The following ZNF85 variants were observed in gnomAD, a reference collection of about 807,000 sequenced individuals.
The protein encoded by ZNF85 is zinc finger protein 85, also known as zinc finger protein 85 (HPF4, HTF1).
ZNF85 carries 50 observed loss-of-function variants against 53.9 expected under a neutral mutation model. That is an observed-to-expected ratio of 0.93 (90% CI 0.74 to 1.17). The LOEUF is 1.17. Ranked by LOEUF, ZNF85 falls within the 50% of genes most tolerant of loss-of-function variation. The probability of loss-of-function intolerance (pLI) is 0.00; values close to 1 mark genes in which losing one functional copy is unlikely to be tolerated. For synonymous variants in ZNF85, 225 were observed against 226.1 expected, an observed-to-expected ratio of 1.00 and a Z score of 0.04; for missense variants, 747 against 688.5, an observed-to-expected ratio of 1.08 and a Z score of -0.95.
intron 1 of ZNF85, 65 bp from the exon 2 acceptor site, chr19:20,933,957 ATG>A (rs56195718): frequency 0.071 from 81,475 of 1,148,096 alleles, 955 homozygotes; most frequent in Admixed American, 0.15. Flanking sequence ...GTTGGTAATT[ATG>A]TGTGTGTGTG....
intron 1 of ZNF85, among the ~76,000 whole-genome samples, chr19:20,924,458 A>G (rs1972833916): frequency 6.6e-6 from 1 of 152,128 alleles, no homozygotes; most frequent in Admixed American, 6.5e-5. Flanking sequence ...ACCTCAGTCT[A>G]ATTGCCTGCC....
chr19:20,935,603 G>T (rs1304874292), intron 3 of ZNF85, among the ~76,000 whole-genome samples: 1 of 151,368 alleles, frequency 6.6e-6, no homozygotes, highest in Non-Finnish European at 1.5e-5. Context: ...GTTTATTATA[G>T]TTTCATGTAT....
intron 1 of ZNF85, among the ~76,000 whole-genome samples, chr19:20,930,312 C>G (rs112871862): frequency 3.9e-5 from 6 of 152,110 alleles, no homozygotes; most frequent in African/African-American, 1.4e-4. Flanking sequence ...TATTTAACAA[C>G]TTGTTTTCTA....
chr19:20,926,361 A>C (rs746960866), intron 1 of ZNF85, among the ~76,000 whole-genome samples: 15 of 152,192 alleles, frequency 9.9e-5, no homozygotes, highest in Admixed American at 1.3e-4. Context: ...GATTTTTTAT[A>C]GAAATAATAA....
intron 3 of ZNF85, among the ~76,000 whole-genome samples, chr19:20,948,452 A>C (rs1973473435): frequency 6.6e-6 from 1 of 151,954 alleles, no homozygotes; most frequent in Admixed American, 6.6e-5. Flanking sequence ...ACATTGGGCA[A>C]CCGAAATAGC....
chr19:20,946,884 TAATA>T (rs923246468), intron 3 of ZNF85, among the ~76,000 whole-genome samples: 4 of 151,954 alleles, frequency 2.6e-5, no homozygotes, highest in East Asian at 1.9e-4. Flanking sequence ...TTAATTTTTT[TAATA>T]AATCCCTTTA....
At chr19:20,933,719 T>C (rs577433634) in intron 1 of ZNF85, among the ~76,000 whole-genome samples, 4 of 152,350 alleles carry the variant, frequency 2.6e-5, no homozygotes, top group Non-Finnish European at 2.9e-5. Flanking sequence ...TACACATTTT[T>C]ATGCCCTTAA....
At chr19:20,930,462 A>T (rs11882679) in intron 1 of ZNF85, among the ~76,000 whole-genome samples, 15,550 of 151,592 alleles carry the variant, frequency 0.1, 885 homozygotes, top group Non-Finnish European at 0.13. Flanking sequence ...CTATGCAATT[A>T]AAAAAAATCA....
intron 3 of ZNF85, among the ~76,000 whole-genome samples, chr19:20,939,338 C>T (rs1161362895): frequency 6.6e-6 from 1 of 152,148 alleles, no homozygotes; most frequent in East Asian, 1.9e-4. Flanking sequence ...TCACTGCAAC[C>T]TCTGCCTCCT....
chr19:20,939,962 G>T (rs926347748), intron 3 of ZNF85, among the ~76,000 whole-genome samples: 8 of 152,158 alleles, frequency 5.3e-5, no homozygotes, highest in Non-Finnish European at 1.2e-4. Context: ...CTCCCAAAGT[G>T]CTGGGATTAC....
rs146063134 is a variant in ZNF85 at position 20,949,647 on chromosome 19, C to G, written c.1133C>G (p.Ala378Gly). The G allele has an allele frequency of 4.1e-4, 660 of 1,613,114 alleles. 7 individuals carry two copies. The highest frequency in any genetic ancestry group is 2.3e-3 in the South Asian group (206 of 91,034). ...TACAAATGTGAAAAATGTGGAAAAG[C>G]CTTTAATCATTTCTCACACCTTACT... ...KPYKCEKCGKAFNHFSHLTTH... is the reference protein window; with the variant it reads ...KPYKCEKCGKGFNHFSHLTTH... Residue 378 changes from alanine to glycine, a missense_variant, in exon 4 of 4, where the codon GCC becomes GGC. By Grantham distance (60) the Ala-to-Gly change is moderately conservative. Coordinates refer to ENST00000328178, the MANE Select transcript of ZNF85 (RefSeq NM_003429.5).
chr19:20,931,426 G>A (rs1227520137), intron 1 of ZNF85, among the ~76,000 whole-genome samples: 2 of 151,990 alleles, frequency 1.3e-5, no homozygotes, highest in Non-Finnish European at 2.9e-5. Flanking sequence ...GTTCTAGGGG[G>A]AAGCAGTCAT....
intron 1 of ZNF85, among the ~76,000 whole-genome samples, chr19:20,933,409 A>G (rs1042794722): frequency 6.6e-6 from 1 of 151,482 alleles, no homozygotes; most frequent in African/African-American, 2.4e-5. Flanking sequence ...TTGGAAAGTC[A>G]AAGCTCTTAT....
chr19:20,950,222 G>C lies in ZNF85; in HGVS notation c.1708G>C (p.Glu570Gln), dbSNP rs1173124464. The change falls in exon 4 of 4, where the codon GAA becomes CAA. Residue 570 changes from glutamate to glutamine, a missense_variant. Transcript: ENST00000328178. ...HTGEKPYKCEECDKAFKWSSV... is the reference protein window; with the variant it reads ...HTGEKPYKCEQCDKAFKWSSV... ...TGGAGAAAAACCTTACAAATGTGAAGAATGTGACAAAGCTTTTAAATGGTC... is the reference window on the plus strand; with the variant it reads ...TGGAGAAAAACCTTACAAATGTGAACAATGTGACAAAGCTTTTAAATGGTC... 1 of 1,609,094 alleles carries C rather than the reference G, an allele frequency of 6.2e-7. No individual in the cohort carries two copies. The highest frequency in any genetic ancestry group is 1.1e-5 in the South Asian group (1 of 90,086).
At chr19:20,930,457 CA>C (rs909258075) in intron 1 of ZNF85, among the ~76,000 whole-genome samples, 1 of 151,290 alleles carries the variant, frequency 6.6e-6, no homozygotes, top group African/African-American at 2.4e-5. Context: ...TTCTTCTATG[CA>C]ATTAAAAAAA....
At position 20,948,919 on chromosome 19, in the gene ZNF85, C is replaced by G; in HGVS notation, c.405C>G (p.Asn135Lys). The G allele has an allele frequency of 6.2e-7, 1 of 1,613,684 alleles. No individual in the cohort carries two copies. The highest frequency in any genetic ancestry group is 2.2e-5 in the East Asian group (1 of 44,850). The change falls in exon 4 of 4, where the codon AAC becomes AAG. Residue 135 changes from asparagine (N) to lysine (K), a missense_variant. Transcript: ENST00000328178. ...ACAAAGGAGGTTGTAATGGACTTAACCAATGTCTCACAGCTACCCAGAGCA... is the reference window on the plus strand; with the variant it reads ...ACAAAGGAGGTTGTAATGGACTTAAGCAATGTCTCACAGCTACCCAGAGCA... ...KMHKGGCNGL[N>K]QCLTATQSKI...
rs1156835317 is a variant in ZNF85 at position 20,931,620 on chromosome 19, C to CTTTT, written c.4-2388_4-2385dup. On this transcript the variant is annotated intron_variant, in intron 1 of 3. Coordinates refer to ENST00000328178, the MANE Select transcript of ZNF85 (RefSeq NM_003429.5). ...ATATTTTCTTTTTCTTTTTCTTTTT[C>CTTTT]TTTTTTTTTTTTTTTTTTTGAGGTG... Among the ~76,000 whole-genome samples, 27 of 119,440 alleles carry CTTTT rather than the reference C, an allele frequency of 2.3e-4. 1 individual carries two copies. Among genetic ancestry groups the CTTTT allele is most frequent in the Non-Finnish European group, 2.8e-4 (17 of 59,768 alleles). 78.4% of individuals were successfully genotyped at this position (119,440 alleles called of 152,430 possible).
Position 20,923,270 on chromosome 19 carries a change from G to A in ZNF85, c.-131G>A. On this transcript the variant is annotated 5_prime_UTR_variant, in exon 1 of 4. Transcript: ENST00000328178. Reference sequence around the variant, plus strand: ...GGCGGGGCCTTTGTCTCTCGCTGCAGCCTGAGCTCTAGGTCTTGTTTTCCC... The same window carrying A: ...GGCGGGGCCTTTGTCTCTCGCTGCAACCTGAGCTCTAGGTCTTGTTTTCCC... 1.4e-6 allele frequency: 2 copies of A among 1,446,174 alleles called. No individual in the cohort carries two copies. Among genetic ancestry groups the A allele is most frequent in the Non-Finnish European group, 1.9e-6 (2 of 1,043,696 alleles). The allele number at this position is 1,446,174 out of a possible 1,614,324, so 89.6% of individuals were successfully genotyped here. A position where few individuals can be genotyped will look rare whatever the true frequency, so the allele number is the denominator to read the frequency against.
chr19:20,933,961 G>A (rs1599432704), intron 1 of ZNF85, 63 bp from the exon 2 acceptor site: 1 of 53,222 alleles, frequency 1.9e-5, no homozygotes, highest in Non-Finnish European at 3.3e-5. Flanking sequence ...GTAATTATGT[G>A]TGTGTGTGTG....
Sources: gnomAD v4.1 joint callset for allele counts (sites outside exome capture counted in the v4.1 genomes callset) on GRCh38, gnomAD v4.1.1 for gene constraint, MANE v1.5 for transcripts, NCBI Gene and HGNC (gene_info 2026-07-23, HGNC 2026-07-21) for gene names.